The following CAMK1G variants were observed in gnomAD, a reference collection of about 807,000 sequenced individuals.
CAMK1G encodes calcium/calmodulin-dependent protein kinase type 1G.
In CAMK1G, 27 loss-of-function variants were observed where a neutral mutation model predicts 54.8. That is an observed-to-expected ratio of 0.49 (90% confidence interval 0.36 to 0.68). The LOEUF (loss-of-function observed/expected upper bound fraction) is 0.68. Among genes scored for constraint, CAMK1G ranks in the 30% least tolerant of loss-of-function variants. The pLI is 0.00. For synonymous variants in CAMK1G, 238 were observed against 224.9 expected (o/e 1.06, Z -0.52); for missense variants, 512 against 591.0 (o/e 0.87, Z 1.39).
chr1:209,612,741 T>C (rs1007206600), intron 11 of CAMK1G, 44 bp from the exon 12 acceptor site: 9 of 1,554,686 alleles, frequency 5.8e-6, no homozygotes, highest in African/African-American at 4.1e-5. Flanking sequence ...TCGACTCTTC[T>C]TCCCTCAAAT....
In CAMK1G at chr1:209,605,586, C is replaced by T. The variant is rs1465880726; in HGVS notation, c.347C>T (p.Thr116Ile). ...FDRILERGVY[T>I]EKDASLVIQQ... ...CGGATCCTGGAGCGGGGTGTCTACA[C>T]AGAGAAGGATGCCAGTCTGGTGATC... is the stretch of plus-strand genomic sequence containing the variant. Residue 116 changes from threonine (T) to isoleucine (I), a missense_variant, in exon 5 of 13, where the codon ACA (threonine) becomes ATA (isoleucine). Transcript: ENST00000361322. 5 of 1,613,992 alleles carry T rather than the reference C, an allele frequency of 3.1e-6. No homozygotes were observed. Among genetic ancestry groups the T allele is most frequent in the Non-Finnish European group, 4.2e-6 (5 of 1,180,002 alleles).
At chr1:209,603,160 TTGTC>T (rs1665569404) in intron 3 of CAMK1G, 50 bp from the exon 4 acceptor site, 2 of 1,587,294 alleles carry the variant, frequency 1.3e-6, no homozygotes, top group African/African-American at 2.7e-5. Flanking sequence ...TCTGCATTAT[TTGTC>T]TGTACAACCT....
chr1:209,596,109 G>A (rs1352244038), intron 2 of CAMK1G, among the ~76,000 whole-genome samples: 3 of 152,222 alleles, frequency 2.0e-5, no homozygotes, highest in Admixed American at 6.5e-5. Context: ...CAGTGACCTC[G>A]GGCAATGACG....
chr1:209,609,200 A>T (rs9430006), intron 8 of CAMK1G, 108 bp downstream of exon 8: 1 of 1,317,732 alleles, frequency 7.6e-7, no homozygotes, highest in African/African-American at 1.5e-5. Flanking sequence ...GTCCCTGGGG[A>T]TCTTACAGAA....
At chr1:209,586,323 GA>G (rs1665101622) in intron 1 of CAMK1G, among the ~76,000 whole-genome samples, 1 of 152,050 alleles carries the variant, frequency 6.6e-6, no homozygotes, top group African/African-American at 2.4e-5. Flanking sequence ...TATCACCTGT[GA>G]AAAAAACCAA....
At chr1:209,595,989 A>T (rs1050921991) in intron 2 of CAMK1G, among the ~76,000 whole-genome samples, 1 of 152,230 alleles carries the variant, frequency 6.6e-6, no homozygotes, top group Non-Finnish European at 1.5e-5. Context: ...CTGGTCAGCT[A>T]ATTAGTCTAG....
chr1:209,604,351 CA>C (rs1665596101), intron 4 of CAMK1G, among the ~76,000 whole-genome samples: 1 of 152,150 alleles, frequency 6.6e-6, no homozygotes, highest in Non-Finnish European at 1.5e-5. Flanking sequence ...GGCAGGGAGG[CA>C]AGGAGATGGG....
chr1:209,590,762 G>A (rs915449125), intron 1 of CAMK1G, among the ~76,000 whole-genome samples: 1 of 152,050 alleles, frequency 6.6e-6, no homozygotes, highest in Non-Finnish European at 1.5e-5. Context: ...AGGCACATAG[G>A]CGGCTGATTT....
intron 1 of CAMK1G, among the ~76,000 whole-genome samples, chr1:209,592,768 T>TA (rs1375574304): frequency 6.6e-6 from 1 of 152,206 alleles, no homozygotes; most frequent in Non-Finnish European, 1.5e-5. Flanking sequence ...TCTTTCCACC[T>TA]CCTCTTCCCC....
At chr1:209,603,722 T>G (rs995453305) in intron 4 of CAMK1G, among the ~76,000 whole-genome samples, 6 of 152,210 alleles carry the variant, frequency 3.9e-5, no homozygotes, top group African/African-American at 1.4e-4. Context: ...CAATACATGT[T>G]AATCAAATTG....
intron 1 of CAMK1G, among the ~76,000 whole-genome samples, chr1:209,590,611 C>T (rs1665221465): frequency 6.6e-6 from 1 of 152,198 alleles, no homozygotes; most frequent in African/African-American, 2.4e-5. Context: ...AACAGGCCGT[C>T]ATTCCATGGA....
chr1:209,588,426 C>G (rs1180182982), intron 1 of CAMK1G, among the ~76,000 whole-genome samples: 1 of 150,588 alleles, frequency 6.6e-6, no homozygotes, highest in Non-Finnish European at 1.5e-5. Context: ...GGATGGAAAG[C>G]CTTTGAATTA....
rs538857546 is a variant in CAMK1G at position 209,599,327 on chromosome 1, C to T, written c.93-656C>T. Among the ~76,000 whole-genome samples the T allele has an allele frequency of 5.3e-5, 8 of 152,188 alleles. No homozygotes were observed. In the East Asian group the frequency reaches 1.2e-3, roughly 22 times the overall value. ...TCAGCAACATAGTGAAGCCCCATCT[C>T]TAAAAAAATAATAAAATAAAATAAG... On this transcript the variant is annotated intron_variant, in intron 2 of 12. Coordinates refer to ENST00000361322, the MANE Select transcript of CAMK1G (RefSeq NM_020439.3).
At chr1:209,590,716 T>C (rs1367031826) in intron 1 of CAMK1G, among the ~76,000 whole-genome samples, 1 of 152,012 alleles carries the variant, frequency 6.6e-6, no homozygotes, top group African/African-American at 2.4e-5. Flanking sequence ...CACAGCCCTG[T>C]TGTTCTGTGG....
intron 2 of CAMK1G, among the ~76,000 whole-genome samples, chr1:209,596,444 C>T (rs1293248101): frequency 6.6e-6 from 1 of 152,150 alleles, no homozygotes; most frequent in East Asian, 1.9e-4. Flanking sequence ...GACACACCTT[C>T]CCTCTTAGAG....
At chr1:209,588,266 C>T (rs1358043547) in intron 1 of CAMK1G, among the ~76,000 whole-genome samples, 3 of 152,176 alleles carry the variant, frequency 2.0e-5, no homozygotes, top group Non-Finnish European at 4.4e-5. Flanking sequence ...TCTGGTTTGT[C>T]CATGCCCAGT....
intron 1 of CAMK1G, among the ~76,000 whole-genome samples, chr1:209,588,674 C>T (rs1252664839): frequency 6.6e-6 from 1 of 152,112 alleles, no homozygotes; most frequent in Non-Finnish European, 1.5e-5. Context: ...GGTATATGAC[C>T]ACAGTGAGGA....
In CAMK1G at chr1:209,600,099, C is replaced by T; in HGVS notation, c.209C>T (p.Ala70Val). The part of the protein sequence containing the change: ...FRDSSLENEI[A>V]VLKKIKHENI... ...GACAGCAGCCTGGAGAATGAGATTG[C>T]TGTGTTGAAAAAGTGAGTGGGTCTT... is the stretch of plus-strand genomic sequence containing the variant. The change falls in exon 3 of 13, where the codon GCT (alanine) becomes GTT (valine). Residue 70 changes from alanine (A) to valine (V), a missense_variant. By Grantham distance (64) the Ala-to-Val change is moderately conservative. Transcript: ENST00000361322. 1 of 1,613,440 alleles carries T rather than the reference C, an allele frequency of 6.2e-7. No individual in the cohort carries two copies. The highest frequency in any genetic ancestry group is 1.3e-5 in the African/African-American group (1 of 74,992).
chr1:209,595,683 G>C (rs1236883251), intron 2 of CAMK1G, among the ~76,000 whole-genome samples: 1 of 152,166 alleles, frequency 6.6e-6, no homozygotes, highest in Non-Finnish European at 1.5e-5. Context: ...GGAACAGAAG[G>C]GACTTTTGAG....
Sources: gnomAD v4.1 joint callset for allele counts (sites outside exome capture counted in the v4.1 genomes callset) on GRCh38, gnomAD v4.1.1 for gene constraint, MANE v1.5 for transcripts, NCBI Gene and HGNC (gene_info 2026-07-23, HGNC 2026-07-21) for gene names.